Variants in NKAIN3 observed in about 807,000 individuals in gnomAD.
NKAIN3 encodes sodium/potassium-transporting ATPase subunit beta-1-interacting protein 3.
NKAIN3 carries 25 observed loss-of-function variants against 30.2 expected under a neutral mutation model. That is an observed-to-expected ratio of 0.83 (90% CI 0.60 to 1.16). The LOEUF is 1.16. Among genes scored for constraint, NKAIN3 ranks in the 50% most tolerant of loss-of-function variants. NKAIN3 has a pLI of 0.00. For synonymous variants in NKAIN3, 91 were observed against 89.6 expected (o/e 1.02, Z -0.09); for missense variants, 225 against 254.1 (o/e 0.89, Z 0.78).
Position 62,983,146 on chromosome 8 carries a change from G to A in NKAIN3, c.*17739G>A, listed in dbSNP as rs1259095552. 1 of 152,070 alleles carries A rather than the reference G, an allele frequency of 6.6e-6. No individual in the cohort carries two copies. The highest frequency in any genetic ancestry group is 1.5e-5 in the Non-Finnish European group (1 of 68,056). 9.4% of individuals were successfully genotyped at this position (152,070 alleles called of 1,614,324 possible). A position where few individuals can be genotyped will look rare whatever the true frequency, so the allele number is the denominator to read the frequency against. ...CCACACTACTTGCCAGTATCCACTG[G>A]GAGACAAATTATGATTGTTGCGTCC... On this transcript the variant is annotated 3_prime_UTR_variant, in exon 7 of 7. Transcript: ENST00000623646.
In NKAIN3 at chr8:62,779,711, G is replaced by T. The variant is rs1017503745; in HGVS notation, c.471+32582G>T. On this transcript the variant is annotated intron_variant, in intron 4 of 6. Transcript: ENST00000623646. ...ATTCTCCAAGATGGACAATATGTTA[G>T]AACACAAAACAAGTATCAACAAATT... Among the ~76,000 whole-genome samples the T allele has an allele frequency of 2.6e-5, 4 of 152,098 alleles. 1 individual carries two copies. The highest frequency in any genetic ancestry group is 9.7e-5 in the African/African-American group (4 of 41,426).
At chr8:62,410,360 T>C (rs994966438) in intron 1 of NKAIN3, among the ~76,000 whole-genome samples, 9 of 152,192 alleles carry the variant, frequency 5.9e-5, no homozygotes, top group Non-Finnish European at 1.3e-4. Flanking sequence ...CATCTACCAC[T>C]GATGGGCACT....
intron 2 of NKAIN3, among the ~76,000 whole-genome samples, chr8:62,582,922 G>A (rs1008103547): frequency 6.6e-6 from 1 of 152,202 alleles, no homozygotes; most frequent in Non-Finnish European, 1.5e-5. Flanking sequence ...AGTGTCATGG[G>A]CCTCCTGCTG....
intron 4 of NKAIN3, among the ~76,000 whole-genome samples, chr8:62,917,694 A>G (rs560683512): frequency 1.3e-5 from 2 of 152,302 alleles, no homozygotes; most frequent in South Asian, 4.1e-4. Flanking sequence ...TCAAGTATCT[A>G]TTTTTCATAC....
rs1204933071 is a variant in NKAIN3 at position 62,870,685 on chromosome 8, ATC to A, written c.472-47762_472-47761del. 1.5e-3 allele frequency among the ~76,000 whole-genome samples: 193 copies of A among 131,062 alleles called. 6 individuals are homozygous for A. The highest frequency in any genetic ancestry group is 5.4e-3 in the African/African-American group (176 of 32,356). 86.0% of individuals were successfully genotyped at this position (131,062 alleles called of 152,430 possible). On this transcript the variant is annotated intron_variant, in intron 4 of 6. Coordinates refer to ENST00000623646, the MANE Select transcript of NKAIN3 (RefSeq NM_001304533.3). ...TATATATAGATATCTATATATCTAT[ATC>A]TCTCTATCTATATATCTATATATCT... is the stretch of plus-strand genomic sequence containing the variant.
Position 62,816,950 on chromosome 8 carries a change from G to A in NKAIN3, c.471+69821G>A, listed in dbSNP as rs572850358. 1.1e-4 allele frequency among the ~76,000 whole-genome samples: 16 copies of A among 152,210 alleles called. No homozygotes were observed. In the South Asian group the frequency reaches 2.5e-3, roughly 24 times the overall value. ...AGTTGTGGGGCTTTTCTGTAGGTAGGGTTGCAGGCATCCATGGTAGGAATA... is the reference window on the plus strand; with the variant it reads ...AGTTGTGGGGCTTTTCTGTAGGTAGAGTTGCAGGCATCCATGGTAGGAATA... On this transcript the variant is annotated intron_variant, in intron 4 of 6. Transcript: ENST00000623646.
rs550658650 is a variant in NKAIN3, at chr8:62,486,299, G to T, written c.55-93240G>T. On this transcript the variant is annotated intron_variant, in intron 1 of 6. Coordinates refer to ENST00000623646, the MANE Select transcript of NKAIN3 (RefSeq NM_001304533.3). ...CCGGTATCAGAGTTGAGAAGGAAGGGACCCTTAGTATGTTGGTGTCTGTTT... is the reference window on the plus strand; with the variant it reads ...CCGGTATCAGAGTTGAGAAGGAAGGTACCCTTAGTATGTTGGTGTCTGTTT... 7.2e-5 allele frequency among the ~76,000 whole-genome samples: 11 copies of T among 151,984 alleles called. No individual in the cohort carries two copies. The South Asian group carries it at 2.3e-3, about 32-fold the overall frequency.
At chr8:62,577,451 G>A (rs1810146346) in intron 1 of NKAIN3, among the ~76,000 whole-genome samples, 1 of 142,026 alleles carries the variant, frequency 7.0e-6, no homozygotes, top group Non-Finnish European at 1.5e-5. Context: ...AAAATAGCGT[G>A]GGTGTTTTTT....
chr8:62,892,664 C>T (rs541605243), intron 4 of NKAIN3, among the ~76,000 whole-genome samples: 5 of 151,488 alleles, frequency 3.3e-5, no homozygotes, highest in South Asian at 4.2e-4. Context: ...AAGGTACTCT[C>T]ATGTCAAAAT....
At chr8:62,424,770 A>G (rs1275051742) in intron 1 of NKAIN3, among the ~76,000 whole-genome samples, 1 of 151,942 alleles carries the variant, frequency 6.6e-6, no homozygotes, top group Admixed American at 6.6e-5. Flanking sequence ...GAAATATGGT[A>G]TGATCCAGCA....
chr8:62,569,682 A>G (rs1809868472), intron 1 of NKAIN3, among the ~76,000 whole-genome samples: 1 of 152,066 alleles, frequency 6.6e-6, no homozygotes, highest in Non-Finnish European at 1.5e-5. Context: ...AGGCTGAGGC[A>G]GGAGAATCAC....
In NKAIN3 at chr8:62,870,274, A is replaced by ATC. The variant is rs1563604041; in HGVS notation, c.472-48178_472-48177insCT. 2.5e-3 allele frequency among the ~76,000 whole-genome samples: 319 copies of ATC among 126,132 alleles called. 13 individuals carry two copies. The highest frequency in any genetic ancestry group is 4.2e-3 in the African/African-American group (129 of 30,726). 82.7% of individuals were successfully genotyped at this position (126,132 alleles called of 152,430 possible). On this transcript the variant is annotated intron_variant, in intron 4 of 6. Transcript: ENST00000623646. ...TCTATATATATATCTATATATAGAT[A>ATC]TATATAAATATCTATAGATATATAT... is the stretch of plus-strand genomic sequence containing the variant.
chr8:62,587,901 G>T (rs1272347472), intron 2 of NKAIN3, among the ~76,000 whole-genome samples: 1 of 151,934 alleles, frequency 6.6e-6, no homozygotes, highest in Non-Finnish European at 1.5e-5. Context: ...CACCAAGTTT[G>T]TGCTATGATC....
intron 3 of NKAIN3, among the ~76,000 whole-genome samples, chr8:62,649,213 G>A (rs1446332171): frequency 1.3e-5 from 2 of 152,172 alleles, no homozygotes; most frequent in East Asian, 3.9e-4. Context: ...GTCTATTGTG[G>A]ATTCCTGTGA....
At chr8:62,337,234 A>G (rs1815583975) in intron 1 of NKAIN3, among the ~76,000 whole-genome samples, 1 of 152,092 alleles carries the variant, frequency 6.6e-6, no homozygotes, top group African/African-American at 2.4e-5. Context: ...CAATGCAATC[A>G]TAGATCCCTT....
chr8:62,443,085 A>G (rs1472519704), intron 1 of NKAIN3, among the ~76,000 whole-genome samples: 1 of 151,904 alleles, frequency 6.6e-6, no homozygotes, highest in African/African-American at 2.4e-5. Flanking sequence ...ATATCTATTA[A>G]GTTTATGAGC....
intron 3 of NKAIN3, among the ~76,000 whole-genome samples, chr8:62,680,072 G>T (rs941969872): frequency 6.6e-6 from 1 of 152,060 alleles, no homozygotes; most frequent in Non-Finnish European, 1.5e-5. Context: ...GCATGAGAGG[G>T]ACTTGACCCA....
At chr8:62,358,785 T>G (rs1371150198) in intron 1 of NKAIN3, among the ~76,000 whole-genome samples, 1 of 152,250 alleles carries the variant, frequency 6.6e-6, no homozygotes, top group Non-Finnish European at 1.5e-5. Flanking sequence ...TTATTTATGC[T>G]AGGCTTACAG....
intron 5 of NKAIN3, among the ~76,000 whole-genome samples, chr8:62,929,429 A>T (rs1717363066): frequency 6.6e-6 from 1 of 152,186 alleles, no homozygotes. Flanking sequence ...TTACTCACCC[A>T]CGTGTTTATT....
Sources: allele counts gnomAD v4.1 joint callset (sites outside exome capture counted in the v4.1 genomes callset), GRCh38; gene constraint gnomAD v4.1.1; transcripts MANE v1.5; gene names NCBI Gene and HGNC (gene_info 2026-07-23, HGNC 2026-07-21).